EXOC6B: variants seen among roughly 807,000 people sequenced by gnomAD.
EXOC6B encodes the protein exocyst complex component 6B.
Under a neutral mutation model 113.5 loss-of-function variants are expected in EXOC6B, and 54 were observed. That is an observed-to-expected ratio of 0.48 (90% confidence interval 0.38 to 0.60). The LOEUF (loss-of-function observed/expected upper bound fraction) is 0.60. Among genes scored for constraint, EXOC6B ranks in the 20% least tolerant of loss-of-function variants. The pLI is 0.00. For missense variants in EXOC6B, 797 were observed against 977.5 expected, an observed-to-expected ratio of 0.82 and a Z score of 2.46; for synonymous variants, 357 against 339.0, an observed-to-expected ratio of 1.05 and a Z score of -0.58.
intron 14 of EXOC6B, 64 bp downstream of exon 14, chr2:72,496,390 C>G: frequency 1.1e-6 from 1 of 912,982 alleles, no homozygotes; most frequent in Non-Finnish European, 1.8e-6. Context: ...TCAAACTGAT[C>G]CAATGAAAGC....
intron 6 of EXOC6B, among the ~76,000 whole-genome samples, chr2:72,673,875 C>A (rs1369781812): frequency 6.6e-6 from 1 of 150,558 alleles, no homozygotes. Flanking sequence ...TTTTTAAATT[C>A]CTAAGATTAG....
Position 72,387,290 on chromosome 2 carries a change from G to C in EXOC6B, c.1981-7420C>G, listed in dbSNP as rs532318721. Among the ~76,000 whole-genome samples the C allele has an allele frequency of 3.3e-5, 5 of 152,236 alleles. No homozygotes were observed. In the South Asian group the frequency reaches 1.0e-3, roughly 32 times the overall value. On this transcript the variant is annotated intron_variant, in intron 18 of 21. Coordinates refer to ENST00000272427, the MANE Select transcript of EXOC6B (RefSeq NM_015189.3). ...TGTTTATGCAGGATATTAGTCTACA[G>C]TGTTCTGTTCTTATATTGTCATTGT...
intron 6 of EXOC6B, among the ~76,000 whole-genome samples, chr2:72,636,940 T>C (rs1191109364): frequency 2.0e-5 from 3 of 151,136 alleles, no homozygotes; most frequent in Non-Finnish European, 4.4e-5. Flanking sequence ...AAAAAAAAAC[T>C]ACTAGAACGA....
chr2:72,323,591 T>C (rs1392065644), intron 20 of EXOC6B, among the ~76,000 whole-genome samples: 2 of 152,056 alleles, frequency 1.3e-5, no homozygotes, highest in African/African-American at 4.8e-5. Context: ...AACTCAAATG[T>C]CCATCAATGA....
chr2:72,388,793 A>G (rs1176754306), intron 18 of EXOC6B, among the ~76,000 whole-genome samples: 1 of 152,146 alleles, frequency 6.6e-6, no homozygotes, highest in African/African-American at 2.4e-5. Flanking sequence ...CCCTTATATC[A>G]TAATGAAATG....
At chr2:72,308,095 T>C (rs1203087073) in intron 20 of EXOC6B, among the ~76,000 whole-genome samples, 1 of 152,152 alleles carries the variant, frequency 6.6e-6, no homozygotes, top group East Asian at 1.9e-4. Flanking sequence ...GGTAAAGAAA[T>C]CTCTTCCGCA....
chr2:72,545,595 A>C (rs533015530), intron 8 of EXOC6B, among the ~76,000 whole-genome samples: 1 of 152,354 alleles, frequency 6.6e-6, no homozygotes, highest in Admixed American at 6.5e-5. Flanking sequence ...TAGTCTCTAC[A>C]TAACGAGGTG....
At chr2:72,225,861 G>T (rs1259647843) in intron 20 of EXOC6B, among the ~76,000 whole-genome samples, 1 of 152,104 alleles carries the variant, frequency 6.6e-6, no homozygotes, top group Non-Finnish European at 1.5e-5. Flanking sequence ...GAATAATTTG[G>T]TAAATGCATG....
At chr2:72,655,141 T>C (rs2104421277) in intron 6 of EXOC6B, among the ~76,000 whole-genome samples, 1 of 152,248 alleles carries the variant, frequency 6.6e-6, no homozygotes, top group Middle Eastern at 3.4e-3. Context: ...ACTGAATCAA[T>C]TATTCAAACA....
intron 1 of EXOC6B, among the ~76,000 whole-genome samples, chr2:72,768,121 TA>T (rs70963144): frequency 0.13 from 13,691 of 108,242 alleles, 712 homozygotes; most frequent in Middle Eastern, 0.21. Flanking sequence ...GAGACTCCGT[TA>T]AAAAAAAAAA....
chr2:72,249,584 G>C (rs1280166730), intron 20 of EXOC6B, among the ~76,000 whole-genome samples: 1 of 151,942 alleles, frequency 6.6e-6, no homozygotes, highest in Non-Finnish European at 1.5e-5. Flanking sequence ...ATGTGAGATG[G>C]TAGACAAAAA....
chr2:72,255,978 G>C (rs1683330765), intron 20 of EXOC6B, among the ~76,000 whole-genome samples: 1 of 152,228 alleles, frequency 6.6e-6, no homozygotes, highest in Non-Finnish European at 1.5e-5. Flanking sequence ...AGCTTATTTG[G>C]AAACAGGATC....
chr2:72,299,191 T>G (rs1686345058), intron 20 of EXOC6B, among the ~76,000 whole-genome samples: 1 of 152,020 alleles, frequency 6.6e-6, no homozygotes, highest in Non-Finnish European at 1.5e-5. Context: ...TTCTTTTCAC[T>G]ATTTTTTCTC....
At chr2:72,547,232 C>T (rs1702959449) in intron 8 of EXOC6B, among the ~76,000 whole-genome samples, 1 of 152,124 alleles carries the variant, frequency 6.6e-6, no homozygotes, top group Non-Finnish European at 1.5e-5. Flanking sequence ...TTATAGTCTC[C>T]TGTAGTGAAT....
intron 17 of EXOC6B, among the ~76,000 whole-genome samples, chr2:72,473,941 A>G (rs1296507676): frequency 6.6e-6 from 1 of 152,138 alleles, no homozygotes; most frequent in Non-Finnish European, 1.5e-5. Context: ...TTGTAAGGCC[A>G]GTGTAGTGGT....
intron 6 of EXOC6B, among the ~76,000 whole-genome samples, chr2:72,635,944 C>A (rs1233780046): frequency 6.6e-6 from 1 of 152,012 alleles, no homozygotes; most frequent in Non-Finnish European, 1.5e-5. Flanking sequence ...ACTAAAGATA[C>A]AACAGAAGAA....
chr2:72,475,949 A>G (rs1295508537), intron 17 of EXOC6B, among the ~76,000 whole-genome samples: 1 of 152,200 alleles, frequency 6.6e-6, no homozygotes, highest in Non-Finnish European at 1.5e-5. Context: ...GCTGGGAGGC[A>G]GCAAGTGTGC....
intron 1 of EXOC6B, among the ~76,000 whole-genome samples, chr2:72,786,570 C>T (rs771151517): frequency 1.3e-5 from 2 of 152,120 alleles, no homozygotes; most frequent in Non-Finnish European, 2.9e-5. Context: ...CCAAAACTGC[C>T]TTCATTGAAG....
intron 18 of EXOC6B, among the ~76,000 whole-genome samples, chr2:72,432,944 T>C (rs1430750049): frequency 2.0e-5 from 3 of 152,258 alleles, no homozygotes; most frequent in Non-Finnish European, 4.4e-5. Flanking sequence ...TTGGCTTTCG[T>C]TGCAATTGCT....
Sources: gnomAD v4.1 joint callset for allele counts (sites outside exome capture counted in the v4.1 genomes callset) on GRCh38, gnomAD v4.1.1 for gene constraint, MANE v1.5 for transcripts, NCBI Gene and HGNC (gene_info 2026-07-23, HGNC 2026-07-21) for gene names.